ARSG: variants seen among roughly 807,000 people sequenced by gnomAD.
ARSG encodes arylsulfatase G.
In ARSG, 37 loss-of-function variants were observed where a neutral mutation model predicts 50.5. The observed-to-expected ratio is 0.73, with a 90% CI of 0.56 to 0.96. The LOEUF is 0.96. ARSG is among the 50% of genes least tolerant of loss of function. The probability of loss-of-function intolerance (pLI) is 0.00; values close to 1 mark genes in which losing one functional copy is unlikely to be tolerated. For synonymous variants in ARSG, 225 were observed against 254.6 expected (o/e 0.88, Z 1.11); for missense variants, 629 against 675.3 (o/e 0.93, Z 0.76).
downstream of ARSG, among the ~76,000 whole-genome samples, chr17:68,426,336 A>G (rs557376441): frequency 6.8e-4 from 103 of 151,666 alleles, 2 homozygotes; most frequent in Middle Eastern, 3.4e-3. Context: ...CATAATCCTC[A>G]CCATCTGCCA....
chr17:68,427,248 A>C, downstream of ARSG: 1 of 1,613,216 alleles, frequency 6.2e-7, no homozygotes, highest in Non-Finnish European at 8.5e-7. Flanking sequence ...TCCTGAGCCA[A>C]GCAAGCTACT....
Position 68,368,654 on chromosome 17 carries a change from G to T in ARSG, c.811G>T (p.Ala271Ser). ...AAPRGRSLYG[A>S]GLWEMDSLVG... ...GCCACGGGGCAGAAGCCTGTATGGT[G>T]CAGGGCTCTGGGAGATGGACAGTCT... is the stretch of plus-strand genomic sequence containing the variant. The change falls in exon 7 of 12, where the codon GCA (alanine) becomes TCA (serine). Residue 271 changes from alanine to serine, a missense_variant. By Grantham distance (99) the Ala-to-Ser change is moderately conservative (BLOSUM62 1). Coordinates refer to ENST00000621439, the MANE Select transcript of ARSG (RefSeq NM_001267727.2). 2 of 1,614,246 alleles carry T rather than the reference G, an allele frequency of 1.2e-6. No homozygotes were observed. The highest frequency in any genetic ancestry group is 8.5e-7 in the Non-Finnish European group (1 of 1,180,040).
the ARSG span, among the ~76,000 whole-genome samples, chr17:68,435,206 CA>C: frequency 0.016 from 2,228 of 139,160 alleles, 58 homozygotes; most frequent in East Asian, 0.089. Flanking sequence ...GACTCCACCT[CA>C]AAAAAAAAAA....
rs559526331 is a variant in ARSG, at chr17:68,408,780, G to C, written c.1303+7330G>C. Among the ~76,000 whole-genome samples, 6 of 151,582 alleles carry C rather than the reference G, an allele frequency of 4.0e-5. No individual in the cohort carries two copies. In the East Asian group the frequency reaches 1.2e-3, roughly 29 times the overall value. On this transcript the variant is annotated intron_variant, in intron 11 of 11. Transcript: ENST00000621439. ...TTCCTATTTCTCCACATCCTCTCCA[G>C]CACTTGTTGTTTCCTGACTTTTTAA... is the stretch of plus-strand genomic sequence containing the variant.
intron 11 of ARSG, among the ~76,000 whole-genome samples, chr17:68,415,730 G>C (rs1017615744): frequency 6.6e-6 from 1 of 152,156 alleles, no homozygotes; most frequent in Non-Finnish European, 1.5e-5. Flanking sequence ...GTTTAGGATT[G>C]TGATGTTTTC....
intron 2 of ARSG, among the ~76,000 whole-genome samples, chr17:68,320,874 A>AT (rs2077256599): frequency 6.6e-6 from 1 of 152,176 alleles, no homozygotes; most frequent in Non-Finnish European, 1.5e-5. Context: ...GCCTATGTGT[A>AT]TGTCGCATTG....
intron 11 of ARSG, among the ~76,000 whole-genome samples, chr17:68,416,694 T>C (rs542831756): frequency 1.4e-4 from 22 of 152,326 alleles, no homozygotes; most frequent in Non-Finnish European, 2.1e-4. Context: ...CTTTGTTGGA[T>C]TGGGTTAAGT....
At chr17:68,444,378 A>T in the ARSG span, 13 of 905,690 alleles carry the variant, frequency 1.4e-5, no homozygotes, top group Non-Finnish European at 1.9e-5. Context: ...AAACCTCACT[A>T]AGACTCAAAA....
intron 2 of ARSG, among the ~76,000 whole-genome samples, chr17:68,323,291 A>G (rs1371908891): frequency 1.3e-5 from 2 of 152,196 alleles, no homozygotes; most frequent in Non-Finnish European, 2.9e-5. Context: ...GCAGACTCTA[A>G]TTTATAAATT....
intron 1 of ARSG, among the ~76,000 whole-genome samples, chr17:68,277,927 C>T (rs1472915021): frequency 6.6e-6 from 1 of 152,146 alleles, no homozygotes; most frequent in Non-Finnish European, 1.5e-5. Context: ...TGTTTCTTGC[C>T]AATCCTCAAT....
downstream of ARSG, chr17:68,424,593 C>T (rs372514593): frequency 8.3e-6 from 4 of 481,720 alleles, no homozygotes; most frequent in East Asian, 5.6e-5. Context: ...ACACTACTTC[C>T]GGCCGGGTGC....
chr17:68,364,487 CT>C (rs932848118), intron 6 of ARSG, among the ~76,000 whole-genome samples: 3 of 152,080 alleles, frequency 2.0e-5, no homozygotes, highest in African/African-American at 7.2e-5. Flanking sequence ...CATTCTCTTG[CT>C]GGCTGGGATT....
chr17:68,272,805 A>G, intron 1 of ARSG: 5 of 1,611,230 alleles, frequency 3.1e-6, no homozygotes, highest in Non-Finnish European at 4.2e-6. Flanking sequence ...TGAGACCCAC[A>G]TACTGCTTGA....
rs2078881842 is a variant in ARSG at position 68,353,209 on chromosome 17, A to G, written c.566+1523A>G. Reference sequence around the variant, plus strand: ...TAAAACCACAATTACTTTTGCACCAACCTGATACCTGATTTTACAGATAAG... The same window carrying G: ...TAAAACCACAATTACTTTTGCACCAGCCTGATACCTGATTTTACAGATAAG... On this transcript the variant is annotated intron_variant, in intron 5 of 11. Coordinates refer to ENST00000621439, the MANE Select transcript of ARSG (RefSeq NM_001267727.2). 1.3e-5 allele frequency among the ~76,000 whole-genome samples: 2 copies of G among 151,226 alleles called. 1 individual carries two copies. Among genetic ancestry groups the G allele is most frequent in the South Asian group, 4.2e-4 (2 of 4,778 alleles).
At chr17:68,341,183 T>A (rs909346788) in intron 2 of ARSG, among the ~76,000 whole-genome samples, 1 of 152,204 alleles carries the variant, frequency 6.6e-6, no homozygotes, top group African/African-American at 2.4e-5. Flanking sequence ...TTACTTGAAA[T>A]GATTCTTTCC....
downstream of ARSG, chr17:68,427,334 A>C (rs1016261659): frequency 2.8e-6 from 3 of 1,071,960 alleles, no homozygotes; most frequent in Non-Finnish European, 4.3e-6. Flanking sequence ...AAAAGCATGA[A>C]GAAGCCTGTG....
At chr17:68,265,725 T>G (rs1313374682) in intron 1 of ARSG, among the ~76,000 whole-genome samples, 4 of 151,584 alleles carry the variant, frequency 2.6e-5, no homozygotes, top group African/African-American at 7.3e-5. Flanking sequence ...TTTTTTTTTT[T>G]TCAGCCTGAG....
At chr17:68,273,243 C>T (rs373179636) in intron 1 of ARSG, among the ~76,000 whole-genome samples, 19 of 151,530 alleles carry the variant, frequency 1.3e-4, no homozygotes, top group Middle Eastern at 3.4e-3. Flanking sequence ...GGGTCTCACT[C>T]TGTTGCCCAG....
downstream of ARSG, among the ~76,000 whole-genome samples, chr17:68,424,709 C>G (rs1239484262): frequency 6.6e-6 from 1 of 152,156 alleles, no homozygotes; most frequent in African/African-American, 2.4e-5. Context: ...AACCCCGTCT[C>G]TACTAAAAAT....
Sources: gnomAD v4.1 joint callset for allele counts (sites outside exome capture counted in the v4.1 genomes callset) on GRCh38, gnomAD v4.1.1 for gene constraint, MANE v1.5 for transcripts, NCBI Gene and HGNC (gene_info 2026-07-23, HGNC 2026-07-21) for gene names.